ARHGEF10L: variants seen among roughly 807,000 people sequenced by gnomAD.
ARHGEF10L encodes the protein Rho guanine nucleotide exchange factor 10 like.
ARHGEF10L carries 69 observed loss-of-function variants against 141.2 expected under a neutral mutation model. The ratio of observed to expected loss-of-function variants is 0.49; its 90% CI spans 0.40 to 0.60. The LOEUF is 0.60. Among genes scored for constraint, ARHGEF10L ranks in the 20% least tolerant of loss-of-function variants. The pLI, the probability that ARHGEF10L is intolerant of heterozygous loss-of-function variation, is 0.00. For missense variants in ARHGEF10L, 1,482 were observed against 1,734.3 expected, an observed-to-expected ratio of 0.85 and a Z score of 2.58; for synonymous variants, 711 against 718.5, an observed-to-expected ratio of 0.99 and a Z score of 0.17.
At chr1:17,634,682 T>A in intron 17 of ARHGEF10L, 120 bp downstream of exon 17, 1 of 1,480,288 alleles carries the variant, frequency 6.8e-7, no homozygotes, top group Non-Finnish European at 9.1e-7. Flanking sequence ...TGGCGAGGGA[T>A]CCCTGCTCTG....
chr1:17,539,305 C>T (rs1338968454), upstream of ARHGEF10L, among the ~76,000 whole-genome samples: 1 of 152,190 alleles, frequency 6.6e-6, no homozygotes, highest in Non-Finnish European at 1.5e-5. This position sits in a 1 kb window ranked among gnomAD's most constrained non-coding sequence, Gnocchi z 6.0. Flanking sequence ...GTCCAGGATT[C>T]TCACCCTTTT....
intron 1 of ARHGEF10L, among the ~76,000 whole-genome samples, chr1:17,552,380 G>A (rs1370571107): frequency 6.6e-6 from 1 of 151,982 alleles, no homozygotes; most frequent in South Asian, 2.1e-4. Context: ...CAGGTACCAC[G>A]CATGATCTTG....
intron 26 of ARHGEF10L, among the ~76,000 whole-genome samples, chr1:17,672,318 T>C (rs183319822): frequency 9.2e-5 from 14 of 152,256 alleles, no homozygotes; most frequent in African/African-American, 3.4e-4. Flanking sequence ...ATCACTGGGC[T>C]GTATTAGTTT....
chr1:17,576,633 A>T (rs757306626), intron 1 of ARHGEF10L, among the ~76,000 whole-genome samples: 16 of 152,176 alleles, frequency 1.1e-4, no homozygotes, highest in Non-Finnish European at 2.4e-4. Flanking sequence ...TAGGGTCCCC[A>T]TGGTAACAGA....
chr1:17,674,291 A>G (rs1303481474), intron 26 of ARHGEF10L, among the ~76,000 whole-genome samples: 1 of 152,036 alleles, frequency 6.6e-6, no homozygotes, highest in African/African-American at 2.4e-5. Flanking sequence ...GTGGGCCCTG[A>G]TTGGGGCTGC....
the ARHGEF10L span, among the ~76,000 whole-genome samples, chr1:17,530,889 C>T: frequency 6.6e-6 from 1 of 151,924 alleles, no homozygotes; most frequent in East Asian, 1.9e-4. Context: ...CCTATAATCC[C>T]AGCTACTTGG....
At chr1:17,618,558 C>A (rs1457000251) in intron 9 of ARHGEF10L, 4 of 1,332,216 alleles carry the variant, frequency 3.0e-6, no homozygotes, top group Non-Finnish European at 2.9e-6. Flanking sequence ...CCCCCTCCCA[C>A]CCTTGGGGTT....
the ARHGEF10L span, among the ~76,000 whole-genome samples, chr1:17,514,761 G>C: frequency 6.6e-6 from 1 of 152,080 alleles, no homozygotes; most frequent in African/African-American, 2.4e-5. Context: ...TGTGTGTGTT[G>C]GGGGGACCTC....
At chr1:17,600,223 C>T (rs902861081) in intron 4 of ARHGEF10L, among the ~76,000 whole-genome samples, 2 of 152,188 alleles carry the variant, frequency 1.3e-5, no homozygotes, top group Non-Finnish European at 2.9e-5. Context: ...TGCTCAACAG[C>T]AGAGATCCCT....
At position 17,607,987 on chromosome 1, in the gene ARHGEF10L, C is replaced by A; in HGVS notation, c.609+10C>A. The A allele has an allele frequency of 3.1e-6, 4 of 1,285,826 alleles. No homozygotes were observed. In the South Asian group the frequency reaches 4.7e-5, roughly 15 times the overall value. 79.7% of individuals were successfully genotyped at this position (1,285,826 alleles called of 1,614,324 possible). A position where few individuals can be genotyped will look rare whatever the true frequency, so the allele number is the denominator to read the frequency against. ...GTCCTTCCAGCCCAAGGTGAGGGGA[C>A]CGGGGGTGTCGCTCACCTCAGTCAG... On this transcript the variant is annotated intron_variant, in intron 7 of 28. Transcript: ENST00000361221. This position sits in a 1 kb window ranked among gnomAD's most constrained non-coding sequence, Gnocchi z 4.5.
chr1:17,664,596 G>T lies in ARHGEF10L; in HGVS notation c.3009+1G>T. On this transcript the variant is annotated splice_donor_variant, in intron 26 of 28. Transcript: ENST00000361221. LOFTEE classifies it high-confidence loss of function. ...GGAAGCCACCACCCTGCAGCCTCAG[G>T]TACTGCACTATCCTTTGGCTTGTGG... 1.9e-6 allele frequency: 3 copies of T among 1,579,820 alleles called. No individual in the cohort carries two copies. The highest frequency in any genetic ancestry group is 2.6e-6 in the Non-Finnish European group (3 of 1,166,812).
In ARHGEF10L at chr1:17,627,850, C is replaced by A. The variant is rs2060469500; in HGVS notation, c.1584+347C>A. On this transcript the variant is annotated intron_variant, in intron 15 of 28. Transcript: ENST00000361221. The surrounding 1 kb of genome is among the most constrained non-coding windows in gnomAD (Gnocchi z 4.0). ...GCTTGCTGTGTGCCCTCAAGGGAAT[C>A]ACCCACCCTCTCTGAACCTCACTTG... Among the ~76,000 whole-genome samples the A allele has an allele frequency of 6.6e-6, 1 of 152,124 alleles. No individual in the cohort carries two copies. Among genetic ancestry groups the A allele is most frequent in the South Asian group, 2.1e-4 (1 of 4,820 alleles).
Position 17,600,543 on chromosome 1 carries a change from G to C in ARHGEF10L, c.258-1584G>C, listed in dbSNP as rs567356788. Among the ~76,000 whole-genome samples, 9 of 152,256 alleles carry C rather than the reference G, an allele frequency of 5.9e-5. No homozygotes were observed. In the South Asian group the frequency reaches 1.2e-3, roughly 21 times the overall value. ...TGCTATGAGCATCTCACATGGCCTT[G>C]GCACAGTTGTCAAAGCTGAGACCTA... is the stretch of plus-strand genomic sequence containing the variant. On this transcript the variant is annotated intron_variant, in intron 4 of 28. Transcript: ENST00000361221.
chr1:17,588,769 G>T (rs534480540), intron 4 of ARHGEF10L, among the ~76,000 whole-genome samples: 108 of 151,906 alleles, frequency 7.1e-4, no homozygotes, highest in Non-Finnish European at 8.5e-4. Context: ...GTGTCAGTCT[G>T]TTTGCGGCTG....
intron 1 of ARHGEF10L, among the ~76,000 whole-genome samples, chr1:17,550,077 G>A (rs1041505554): frequency 2.0e-5 from 3 of 152,192 alleles, no homozygotes; most frequent in African/African-American, 7.2e-5. Flanking sequence ...CAGAGGAAAG[G>A]CAAGGAAAGG....
chr1:17,635,083 T>C, intron 18 of ARHGEF10L, 67 bp downstream of exon 18: 2 of 1,583,758 alleles, frequency 1.3e-6, no homozygotes, highest in Non-Finnish European at 1.7e-6. Flanking sequence ...CCTGGGCTGC[T>C]CCTACCCAGG....
At chr1:17,525,389 A>T in the ARHGEF10L span, among the ~76,000 whole-genome samples, 2 of 152,202 alleles carry the variant, frequency 1.3e-5, no homozygotes, top group Admixed American at 1.3e-4. Context: ...GGGAGCCAGG[A>T]GGCTGCCTCT....
chr1:17,638,467 C>T, intron 19 of ARHGEF10L, 95 bp from the exon 20 acceptor site: 3 of 1,544,906 alleles, frequency 1.9e-6, no homozygotes, highest in Non-Finnish European at 2.6e-6. Flanking sequence ...TTCAGTTTCT[C>T]TTCCTCTGGG....
rs754242684 is a variant in ARHGEF10L, at chr1:17,697,234, C to T, written c.3694C>T (p.Arg1232Cys). The T allele has an allele frequency of 1.8e-4, 290 of 1,612,348 alleles. No individual in the cohort carries two copies. The highest frequency in any genetic ancestry group is 1.2e-3 in the Middle Eastern group (7 of 6,084). ...CCGGCCCTGCGCCCGCGACGCCCAC[C>T]GCAAGGAGATTTGCTCTGTGGCCAT... is the stretch of plus-strand genomic sequence containing the variant. ...RSRPCARDAHRKEICSVAIIS... is the reference protein window; with the variant it reads ...RSRPCARDAHCKEICSVAIIS... The change falls in exon 29 of 29, where the codon CGC (arginine) becomes TGC (cysteine). Residue 1232 changes from arginine (R) to cysteine (C), a missense_variant. By Grantham distance (180) the Arg-to-Cys change is radical. Transcript: ENST00000361221. This position sits in a 1 kb window ranked among gnomAD's most constrained non-coding sequence, Gnocchi z 4.8.
Sources: gnomAD v4.1 joint callset for allele counts (sites outside exome capture counted in the v4.1 genomes callset) on GRCh38, gnomAD v4.1.1 for gene constraint, Gnocchi (gnomAD v3.1) non-coding constraint, MANE v1.5 for transcripts, NCBI Gene and HGNC (gene_info 2026-07-23, HGNC 2026-07-21) for gene names.